The following ANKRD26 variants were observed in gnomAD, a reference collection of about 807,000 sequenced individuals.
The protein encoded by ANKRD26 is ankyrin repeat domain-containing protein 26.
A neutral mutation model predicts 208.7 loss-of-function variants in ANKRD26; 141 were observed. The ratio of observed to expected loss-of-function variants is 0.68; its 90% confidence interval spans 0.59 to 0.78. The LOEUF (loss-of-function observed/expected upper bound fraction) is 0.78. ANKRD26 is among the 30% of genes least tolerant of loss of function. The probability of loss-of-function intolerance (pLI) is 0.00; values close to 1 mark genes in which losing one functional copy is unlikely to be tolerated. For missense variants in ANKRD26, 1,889 were observed against 1,938.7 expected, an observed-to-expected ratio of 0.97 and a Z score of 0.48; for synonymous variants, 636 against 660.4, an observed-to-expected ratio of 0.96 and a Z score of 0.57.
In ANKRD26 at chr10:27,005,580, A is replaced by C; in HGVS notation, c.*10T>G. The C allele has an allele frequency of 6.2e-7, 1 of 1,606,252 alleles. No individual in the cohort carries two copies. The highest frequency in any genetic ancestry group is 1.3e-5 in the African/African-American group (1 of 74,846). ...GTCACATAAACAGCCCAGTAATAAA[A>C]TCTTATCTTTCAGATCATATAATTT... On this transcript the variant is annotated 3_prime_UTR_variant, in exon 34 of 34. Coordinates refer to ENST00000376087, the MANE Select transcript of ANKRD26 (RefSeq NM_014915.3).
At chr10:26,977,210 A>C (rs2052240891) in intron 5 of ANKRD26, among the ~76,000 whole-genome samples, 1 of 152,222 alleles carries the variant, frequency 6.6e-6, no homozygotes, top group South Asian at 2.1e-4. Context: ...TGTGCATCCC[A>C]AAGAAAACAG....
chr10:27,079,183 A>C, intron 6 of ANKRD26, 22 bp from the exon 7 acceptor site: 3 of 1,586,852 alleles, frequency 1.9e-6, no homozygotes, highest in Non-Finnish European at 2.6e-6. Context: ...AAATATAGAA[A>C]AATGAGTGAA....
intron 20 of ANKRD26, among the ~76,000 whole-genome samples, chr10:27,042,798 CAAAAAAAA>C (rs60850386): frequency 2.0e-5 from 1 of 48,950 alleles, no homozygotes; most frequent in African/African-American, 7.0e-5. Context: ...CAAAAAAATA[CAAAAAAAA>C]AAAAAAAAAA....
At chr10:27,051,648 G>A in intron 16 of ANKRD26, 4 of 985,208 alleles carry the variant, frequency 4.1e-6, no homozygotes, top group Non-Finnish European at 4.8e-6. Context: ...TGACTGGCAA[G>A]CATATTCTGG....
intron 32 of ANKRD26, among the ~76,000 whole-genome samples, chr10:27,011,619 A>G (rs2053115456): frequency 6.6e-6 from 1 of 152,196 alleles, no homozygotes; most frequent in Admixed American, 6.5e-5. Context: ...GCTGGATTGC[A>G]AGGTTCCTCT....
At chr10:27,053,294 C>T (rs2054725676) in intron 16 of ANKRD26, 26 bp downstream of exon 16, 2 of 1,547,374 alleles carry the variant, frequency 1.3e-6, no homozygotes, top group Non-Finnish European at 1.8e-6. Flanking sequence ...AATATTAAAC[C>T]AGAAATTTTT....
the ANKRD26 span, among the ~76,000 whole-genome samples, chr10:26,965,319 A>G: frequency 9.2e-5 from 14 of 152,334 alleles, no homozygotes; most frequent in East Asian, 5.8e-4. Context: ...GCCCTCAGAA[A>G]TAATGCCATA....
intron 5 of ANKRD26, among the ~76,000 whole-genome samples, chr10:26,992,475 C>A (rs187851141): frequency 7.2e-6 from 1 of 139,194 alleles, no homozygotes; most frequent in Non-Finnish European, 1.5e-5. Context: ...CACGTACACA[C>A]ACACACACAC....
At chr10:26,985,144 G>C (rs546085307) in intron 3 of ANKRD26, among the ~76,000 whole-genome samples, 2 of 152,244 alleles carry the variant, frequency 1.3e-5, no homozygotes, top group South Asian at 4.1e-4. Context: ...GATAATGGCA[G>C]CTGAATACTA....
rs1314469451 is a variant in ANKRD26 at position 27,035,818 on chromosome 10, A to T, written c.2698-66T>A. ...AATGACAGATCATGATTTCCTCTGA[A>T]ATTAAAGAATAAACTGTACATTTTA... is the stretch of plus-strand genomic sequence containing the variant. On this transcript the variant is annotated intron_variant, in intron 23 of 33. Coordinates refer to ENST00000376087, the MANE Select transcript of ANKRD26 (RefSeq NM_014915.3). 5.3e-6 allele frequency: 6 copies of T among 1,135,252 alleles called. No individual in the cohort carries two copies. In the African/African-American group the frequency reaches 7.7e-5, roughly 15 times the overall value. The allele number at this position is 1,135,252 out of a possible 1,614,324, so 70.3% of individuals were successfully genotyped here.
chr10:26,969,189 A>C (rs578237064), downstream of ANKRD26, among the ~76,000 whole-genome samples: 5 of 152,222 alleles, frequency 3.3e-5, no homozygotes, highest in East Asian at 9.6e-4. Flanking sequence ...GCAATCTATC[A>C]AGTTGTCTGA....
chr10:27,049,061 G>C, intron 16 of ANKRD26, 82 bp from the exon 17 acceptor site: 1 of 1,241,480 alleles, frequency 8.1e-7, no homozygotes, highest in Non-Finnish European at 1.1e-6. Context: ...TTTATCATTT[G>C]ACTCAGTTTA....
At chr10:27,094,399 T>C (rs989992602) in intron 1 of ANKRD26, among the ~76,000 whole-genome samples, 2 of 152,192 alleles carry the variant, frequency 1.3e-5, no homozygotes, top group Non-Finnish European at 1.5e-5. Context: ...CCTATCTGAA[T>C]AGAAAAGGCT....
Position 27,066,245 on chromosome 10 carries a change from C to CT in ANKRD26, c.1269+241dup, listed in dbSNP as rs61648459. 0.038 allele frequency: 10,405 copies of CT among 271,416 alleles called. 7 individuals are homozygous for CT. Among genetic ancestry groups the CT allele is most frequent in the East Asian group, 0.047 (710 of 15,142 alleles). 16.8% of individuals were successfully genotyped at this position (271,416 alleles called of 1,614,324 possible). On this transcript the variant is annotated intron_variant, in intron 11 of 33. Transcript: ENST00000376087. The stretch of plus-strand genomic sequence containing the variant: ...ATGTGACTTCTAAGCCTTTTCTTTT[C>CT]TTTTTTTTTTTGCACTATCCTTCAC...
chr10:26,957,588 A>G, the ANKRD26 span, among the ~76,000 whole-genome samples: 1 of 152,110 alleles, frequency 6.6e-6, no homozygotes, highest in Non-Finnish European at 1.5e-5. Flanking sequence ...AGTTCAGGGT[A>G]TGGTATCTGA....
rs555620607 is a variant in ANKRD26, at chr10:27,056,110, G to A, written c.1565-2720C>T. 3.3e-5 allele frequency among the ~76,000 whole-genome samples: 5 copies of A among 152,300 alleles called. No individual in the cohort carries two copies. The South Asian group carries it at 8.3e-4, about 25-fold the overall frequency. On this transcript the variant is annotated intron_variant, in intron 15 of 33. Transcript: ENST00000376087. ...AAGACTACAAATGCCCTGCTAAAAG[G>A]TATTTTGTCCGGTTGTAGGTTACAT...
intron 20 of ANKRD26, among the ~76,000 whole-genome samples, chr10:27,041,227 C>T (rs993227430): frequency 7.2e-6 from 1 of 138,656 alleles, no homozygotes; most frequent in African/African-American, 2.5e-5. Flanking sequence ...GATCACAGGA[C>T]ACTAGAGAGG....
chr10:27,008,900 A>C (rs6482586), intron 32 of ANKRD26, among the ~76,000 whole-genome samples: 123,250 of 152,004 alleles, frequency 0.81, 50,316 homozygotes, highest in East Asian at 0.99. Context: ...AGTGTAGTGG[A>C]GTAATCTCGG....
the ANKRD26 span, among the ~76,000 whole-genome samples, chr10:26,962,880 C>T: frequency 0.33 from 50,336 of 152,078 alleles, 10,599 homozygotes; most frequent in Non-Finnish European, 0.47. Context: ...TCCATGCACT[C>T]GGTCTTTAAT....
Sources: gnomAD v4.1 joint callset for allele counts (sites outside exome capture counted in the v4.1 genomes callset) on GRCh38, gnomAD v4.1.1 for gene constraint, MANE v1.5 for transcripts, NCBI Gene and HGNC (gene_info 2026-07-23, HGNC 2026-07-21) for gene names.